PSMA8: variants seen among roughly 807,000 people sequenced by gnomAD.
PSMA8 encodes proteasome 20S subunit alpha 8.
A neutral mutation model predicts 32.4 loss-of-function variants in PSMA8; 18 were observed. The observed-to-expected ratio is 0.56, with a 90% confidence interval of 0.38 to 0.82. The LOEUF is 0.82. PSMA8 is among the 40% of genes least tolerant of loss of function. The probability of loss-of-function intolerance (pLI) is 0.00; values close to 1 mark genes in which losing one functional copy is unlikely to be tolerated. For synonymous variants in PSMA8, 104 were observed against 98.1 expected (o/e 1.06, Z -0.36); for missense variants, 298 against 300.7 (o/e 0.99, Z 0.07).
At chr18:26,189,674 GA>G (rs1407154592) in intron 6 of PSMA8, among the ~76,000 whole-genome samples, 3 of 152,148 alleles carry the variant, frequency 2.0e-5, no homozygotes, top group African/African-American at 7.2e-5. Flanking sequence ...GGAGAAAAGG[GA>G]ACCCTCATAC....
At chr18:26,177,925 T>C (rs1434554662) in intron 4 of PSMA8, among the ~76,000 whole-genome samples, 2 of 152,130 alleles carry the variant, frequency 1.3e-5, no homozygotes, top group African/African-American at 4.8e-5. Flanking sequence ...TTTTAAAATC[T>C]TTTCTGAGCC....
chr18:26,171,728 C>A (rs1241586649), intron 4 of PSMA8, among the ~76,000 whole-genome samples: 2 of 150,382 alleles, frequency 1.3e-5, no homozygotes, highest in African/African-American at 2.4e-5. Flanking sequence ...AGTGAGACTC[C>A]GTCTCAAAAA....
At chr18:26,151,620 A>G (rs753115198) in intron 2 of PSMA8, among the ~76,000 whole-genome samples, 1 of 152,226 alleles carries the variant, frequency 6.6e-6, no homozygotes, top group Non-Finnish European at 1.5e-5. Context: ...TAGTGTTTAA[A>G]CTATTATTCT....
At chr18:26,136,075 T>C (rs2054909346) in intron 1 of PSMA8, among the ~76,000 whole-genome samples, 1 of 152,192 alleles carries the variant, frequency 6.6e-6, no homozygotes, top group African/African-American at 2.4e-5. Context: ...TTGACCAGTA[T>C]GTAGATGTGA....
intron 6 of PSMA8, among the ~76,000 whole-genome samples, chr18:26,186,248 C>CAAAAAA (rs534639436): frequency 7.2e-5 from 2 of 27,838 alleles, no homozygotes; most frequent in Non-Finnish European, 2.2e-4. Context: ...GACTCTGTCT[C>CAAAAAA]AAAAAAAAAA....
intron 6 of PSMA8, among the ~76,000 whole-genome samples, chr18:26,181,161 T>C (rs2055307951): frequency 6.6e-6 from 1 of 152,208 alleles, no homozygotes; most frequent in African/African-American, 2.4e-5. Context: ...TTTTGATAAC[T>C]CTCAGAATAT....
chr18:26,146,338 G>C (rs1352172756), intron 2 of PSMA8, among the ~76,000 whole-genome samples: 1 of 151,542 alleles, frequency 6.6e-6, no homozygotes. Flanking sequence ...AGTTCAGCTT[G>C]GGCAACTGAG....
intron 6 of PSMA8, among the ~76,000 whole-genome samples, chr18:26,191,538 C>G (rs1168491737): frequency 6.8e-6 from 1 of 147,300 alleles, no homozygotes; most frequent in East Asian, 2.0e-4. Context: ...GTAGTCCCAG[C>G]TACTGAGGAG....
At chr18:26,136,449 A>G (rs992714774) in intron 1 of PSMA8, among the ~76,000 whole-genome samples, 1 of 152,160 alleles carries the variant, frequency 6.6e-6, no homozygotes. Flanking sequence ...CACCCTCTTA[A>G]TTTAGGAGGC....
At position 26,134,087 on chromosome 18, in the gene PSMA8, C is replaced by G. The variant is rs757109918; in HGVS notation, c.102+20C>G. On this transcript the variant is annotated intron_variant, in intron 1 of 6. Transcript: ENST00000415576. ...ACCGCGGTGAGGAAGCAACTATTACCGGACTATTCCCCGCTCTGACCTGTC... is the reference window on the plus strand; with the variant it reads ...ACCGCGGTGAGGAAGCAACTATTACGGGACTATTCCCCGCTCTGACCTGTC... The G allele has an allele frequency of 4.5e-6, 7 of 1,570,040 alleles. No individual in the cohort carries two copies. Among genetic ancestry groups the G allele is most frequent in the Middle Eastern group, 1.7e-4 (1 of 6,006 alleles).
chr18:26,188,237 A>G (rs931730907), intron 6 of PSMA8, among the ~76,000 whole-genome samples: 24 of 152,058 alleles, frequency 1.6e-4, no homozygotes, highest in Admixed American at 1.1e-3. Flanking sequence ...TTCTTGAAAC[A>G]AGTGATAATG....
intron 3 of PSMA8, among the ~76,000 whole-genome samples, chr18:26,152,755 G>A (rs181796329): frequency 1.6e-4 from 24 of 152,254 alleles, no homozygotes; most frequent in East Asian, 1.3e-3. Context: ...GGGTTCCACC[G>A]TCATAAATGG....
intron 6 of PSMA8, among the ~76,000 whole-genome samples, chr18:26,185,418 C>G (rs556562861): frequency 9.3e-5 from 14 of 150,700 alleles, no homozygotes; most frequent in Non-Finnish European, 1.5e-4. Flanking sequence ...TGGCTTCATC[C>G]TAAAGTTAGT....
intron 6 of PSMA8, among the ~76,000 whole-genome samples, chr18:26,179,822 C>G (rs75511643): frequency 6.6e-6 from 1 of 151,458 alleles, no homozygotes; most frequent in African/African-American, 2.4e-5. Flanking sequence ...TGGCAGTGTA[C>G]GCCTGTAATC....
chr18:26,176,013 G>C (rs2055260801), intron 4 of PSMA8, among the ~76,000 whole-genome samples: 2 of 152,254 alleles, frequency 1.3e-5, no homozygotes, highest in Admixed American at 1.3e-4. Context: ...TGGATATTAG[G>C]GTTGTCAGCT....
At chr18:26,151,816 T>C in intron 2 of PSMA8, 42 bp from the exon 3 acceptor site, 1 of 1,556,834 alleles carries the variant, frequency 6.4e-7, no homozygotes, top group Admixed American at 2.1e-5. Flanking sequence ...TTGTAAAAAA[T>C]ATGTTTTTGT....
At chr18:26,148,188 C>T (rs2055018688) in intron 2 of PSMA8, among the ~76,000 whole-genome samples, 1 of 152,010 alleles carries the variant, frequency 6.6e-6, no homozygotes, top group Non-Finnish European at 1.5e-5. Context: ...CCAATATTAA[C>T]ATAATGCCAA....
intron 1 of PSMA8, among the ~76,000 whole-genome samples, chr18:26,139,094 T>C (rs1331487529): frequency 6.6e-6 from 1 of 152,202 alleles, no homozygotes; most frequent in Non-Finnish European, 1.5e-5. Flanking sequence ...ACTTAGTGAC[T>C]TGCTTTTAAG....
chr18:26,192,414 C>G lies in PSMA8; in HGVS notation c.*3C>G. 6.6e-7 allele frequency: 1 copy of G among 1,525,058 alleles called. No homozygotes were observed. 94.5% of individuals were successfully genotyped at this position (1,525,058 alleles called of 1,614,324 possible). A position where few individuals can be genotyped will look rare whatever the true frequency, so the allele number is the denominator to read the frequency against. On this transcript the variant is annotated 3_prime_UTR_variant, in exon 7 of 7. Coordinates refer to ENST00000415576, the MANE Select transcript of PSMA8 (RefSeq NM_001025096.2). ...AAAAATCAAAGAAATCTGTCTAATT[C>G]TTAGGATGACCACTGGGAGGTCTTA...
Sources: allele counts gnomAD v4.1 joint callset (sites outside exome capture counted in the v4.1 genomes callset), GRCh38; gene constraint gnomAD v4.1.1; transcripts MANE v1.5; gene names NCBI Gene and HGNC (gene_info 2026-07-23, HGNC 2026-07-21).